The following ERG variants were observed in gnomAD, a reference collection of about 807,000 sequenced individuals.
The protein encoded by ERG is ETS transcription factor ERG.
ERG carries 9 observed loss-of-function variants against 55.3 expected under a neutral mutation model. The ratio of observed to expected loss-of-function variants is 0.16; its 90% CI spans 0.10 to 0.28. The LOEUF is 0.28. Ranked by LOEUF, ERG falls within the 10% of genes least tolerant of loss-of-function variation. The probability of loss-of-function intolerance (pLI) is 1.00; values close to 1 mark genes in which losing one functional copy is unlikely to be tolerated. For missense variants in ERG, 434 were observed against 631.6 expected (o/e 0.69, Z 3.35); for synonymous variants, 223 against 237.3 (o/e 0.94, Z 0.55).
At chr21:38,468,572 G>C (rs769422904) in intron 1 of ERG, among the ~76,000 whole-genome samples, 5 of 152,126 alleles carry the variant, frequency 3.3e-5, no homozygotes, top group East Asian at 1.9e-4. Context: ...GCAGAGGAAA[G>C]AATTGAACAT....
At chr21:38,568,862 C>A (rs1229348678) in intron 2 of ERG, among the ~76,000 whole-genome samples, 1 of 152,190 alleles carries the variant, frequency 6.6e-6, no homozygotes, top group African/African-American at 2.4e-5. Context: ...CCGAGGGTCA[C>A]CTGCCTGCTT....
intron 2 of ERG, among the ~76,000 whole-genome samples, chr21:38,573,675 T>C (rs1261361236): frequency 6.6e-6 from 1 of 152,238 alleles, no homozygotes; most frequent in Non-Finnish European, 1.5e-5. Flanking sequence ...ACATTCCTTT[T>C]TGCTAAAATA....
At chr21:38,528,342 CACTTGA>C (rs1249932620) in intron 2 of ERG, among the ~76,000 whole-genome samples, 2 of 150,292 alleles carry the variant, frequency 1.3e-5, no homozygotes, top group African/African-American at 4.9e-5. Context: ...TCAGGAGAAT[CACTTGA>C]ACCTGGATTA....
intron 3 of ERG, among the ~76,000 whole-genome samples, chr21:38,411,434 G>A (rs889896539): frequency 1.3e-5 from 2 of 152,040 alleles, no homozygotes; most frequent in South Asian, 2.1e-4. Flanking sequence ...TCAGCCTCCC[G>A]AATAGGTGGG....
At chr21:38,544,148 A>T (rs1340368858) in intron 2 of ERG, among the ~76,000 whole-genome samples, 2 of 152,218 alleles carry the variant, frequency 1.3e-5, no homozygotes, top group African/African-American at 4.8e-5. Context: ...AACATTCCGG[A>T]TTGCGGGAGC....
At chr21:38,481,545 G>C (rs1398115049) in intron 1 of ERG, among the ~76,000 whole-genome samples, 2 of 152,264 alleles carry the variant, frequency 1.3e-5, no homozygotes, top group Non-Finnish European at 2.9e-5. Context: ...AGGGTTTTCA[G>C]TTTTACTATT....
At position 38,381,922 on chromosome 21, in the gene ERG, T is replaced by A. The variant is rs1314218664; in HGVS notation, c.*1481A>T. 9.4e-7 allele frequency: 1 copy of A among 1,063,214 alleles called. No homozygotes were observed. Among genetic ancestry groups the A allele is most frequent in the Non-Finnish European group, 1.1e-6 (1 of 878,036 alleles). 65.9% of individuals were successfully genotyped at this position (1,063,214 alleles called of 1,614,324 possible). On this transcript the variant is annotated 3_prime_UTR_variant, in exon 10 of 10. Coordinates refer to ENST00000288319, the MANE Select transcript of ERG (RefSeq NM_182918.4). ...TTCCTTGGCTCTCCCTTGCACAAGT[T>A]CCTGGACAAAGTAAATTATAACACA...
rs1988493869 is a variant in ERG at position 38,401,539 on chromosome 21, C to T, written c.674-894G>A. 1.3e-5 allele frequency among the ~76,000 whole-genome samples: 2 copies of T among 152,262 alleles called. 1 individual carries two copies. The highest frequency in any genetic ancestry group is 4.2e-4 in the South Asian group (2 of 4,812). ...ATAAATGAGCAATTTCATTGTAATACTCAAACCGGGACTCACTCACATTTT... is the reference window on the plus strand; with the variant it reads ...ATAAATGAGCAATTTCATTGTAATATTCAAACCGGGACTCACTCACATTTT... On this transcript the variant is annotated intron_variant, in intron 5 of 9. Transcript: ENST00000288319.
At chr21:38,430,179 G>C (rs1405573354) in intron 2 of ERG, among the ~76,000 whole-genome samples, 1 of 152,032 alleles carries the variant, frequency 6.6e-6, no homozygotes, top group African/African-American at 2.4e-5. Flanking sequence ...GTGATGTTGA[G>C]TGTTTTTTCA....
intron 1 of ERG, among the ~76,000 whole-genome samples, chr21:38,628,731 C>G (rs1283634348): frequency 6.6e-6 from 1 of 152,362 alleles, no homozygotes; most frequent in African/African-American, 2.4e-5. Context: ...CCTCCAGAAG[C>G]TACAAGCTCT....
chr21:38,478,849 C>T lies in ERG; in HGVS notation c.18+19514G>A, dbSNP rs559979508. The stretch of plus-strand genomic sequence containing the variant: ...CTTTCCTGAAGACAGCCACATGAAT[C>T]ATTTTTCATAGGATGTAATCACCAC... On this transcript the variant is annotated intron_variant, in intron 1 of 9. Transcript: ENST00000288319. 7.9e-5 allele frequency among the ~76,000 whole-genome samples: 12 copies of T among 152,262 alleles called. No homozygotes were observed. The South Asian group carries it at 2.3e-3, about 29-fold the overall frequency.
intron 2 of ERG, among the ~76,000 whole-genome samples, chr21:38,569,248 A>G (rs566126288): frequency 6.6e-5 from 10 of 152,352 alleles, no homozygotes; most frequent in African/African-American, 2.4e-4. Flanking sequence ...AGTCAGAAGC[A>G]GTCTCCAAAT....
chr21:38,482,494 C>T (rs765597359), intron 1 of ERG, among the ~76,000 whole-genome samples: 1 of 152,054 alleles, frequency 6.6e-6, no homozygotes, highest in Non-Finnish European at 1.5e-5. Flanking sequence ...TACCATATGA[C>T]CCAGCAATCC....
intron 2 of ERG, among the ~76,000 whole-genome samples, chr21:38,542,422 T>C (rs562404504): frequency 1.8e-4 from 28 of 152,344 alleles, no homozygotes; most frequent in Non-Finnish European, 3.1e-4. Context: ...TGCTGATATG[T>C]CTGCTACAAT....
intron 2 of ERG, among the ~76,000 whole-genome samples, chr21:38,427,127 A>C (rs1989866237): frequency 6.6e-6 from 1 of 152,184 alleles, no homozygotes; most frequent in African/African-American, 2.4e-5. Context: ...TCATGCCTGT[A>C]ATCTCAGCAC....
chr21:38,518,879 C>T (rs2059573118), intron 2 of ERG, among the ~76,000 whole-genome samples: 1 of 152,132 alleles, frequency 6.6e-6, no homozygotes, highest in Non-Finnish European at 1.5e-5. Context: ...AAGATGATAT[C>T]TTTAACACAT....
intron 3 of ERG, among the ~76,000 whole-genome samples, chr21:38,415,766 C>T (rs1471845606): frequency 6.6e-6 from 1 of 152,100 alleles, no homozygotes; most frequent in African/African-American, 2.4e-5. Flanking sequence ...TGAACTTAGA[C>T]CACCAAGAAT....
chr21:38,489,983 G>A (rs1199529072), intron 1 of ERG, among the ~76,000 whole-genome samples: 1 of 152,236 alleles, frequency 6.6e-6, no homozygotes, highest in Non-Finnish European at 1.5e-5. Context: ...AGAATAAGAA[G>A]AATAGGGAGA....
At chr21:38,405,065 A>G (rs757400250) in intron 3 of ERG, among the ~76,000 whole-genome samples, 5 of 152,262 alleles carry the variant, frequency 3.3e-5, no homozygotes, top group African/African-American at 9.6e-5. Context: ...TTGCAGGTCC[A>G]GTAGAATCTA....
Sources: allele counts gnomAD v4.1 joint callset (sites outside exome capture counted in the v4.1 genomes callset), GRCh38; gene constraint gnomAD v4.1.1; transcripts MANE v1.5; gene names NCBI Gene and HGNC (gene_info 2026-07-23, HGNC 2026-07-21).